Variants in ADCY2 observed in about 807,000 individuals in gnomAD.
The protein encoded by ADCY2 is adenylate cyclase type 2.
In ADCY2, 31 loss-of-function variants were observed where a neutral mutation model predicts 125.2. That is an observed-to-expected ratio of 0.25 (90% CI 0.19 to 0.33). ADCY2 has a LOEUF of 0.33. ADCY2 is among the 10% of genes least tolerant of loss of function. The pLI is 1.00. For missense variants in ADCY2, 904 were observed against 1,418.2 expected (o/e 0.64, Z 5.82); for synonymous variants, 512 against 548.4 (o/e 0.93, Z 0.93).
chr5:7,613,537 A>G (rs1189067669), intron 3 of ADCY2, among the ~76,000 whole-genome samples: 4 of 152,134 alleles, frequency 2.6e-5, no homozygotes. Context: ...ACTGACTACA[A>G]ATTCCAATTT....
intron 4 of ADCY2, among the ~76,000 whole-genome samples, chr5:7,671,820 T>C (rs1739945574): frequency 6.6e-6 from 1 of 152,082 alleles, no homozygotes; most frequent in Non-Finnish European, 1.5e-5. Context: ...ATACATGTTG[T>C]AGAAGTATTG....
Position 7,766,738 on chromosome 5 carries a change from A to C in ADCY2, c.2146A>C (p.Asn716His), listed in dbSNP as rs747141830. The C allele has an allele frequency of 1.2e-6, 2 of 1,612,096 alleles. No homozygotes were observed. Among genetic ancestry groups the C allele is most frequent in the Non-Finnish European group, 1.7e-6 (2 of 1,179,568 alleles). The stretch of plus-strand genomic sequence containing the variant: ...AATCCCTCCAACTGCCAACACAACA[A>C]ACACAAGCTTTTCAGCCTCAAATAA... Reference protein sequence around the residue: ...ETIPPTANTTNTSFSASNNQV... With the variant: ...ETIPPTANTTHTSFSASNNQV... Residue 716 changes from asparagine to histidine, a missense_variant, in exon 17 of 25, where the codon AAC becomes CAC. By Grantham distance (68) the Asn-to-His change is moderately conservative. Transcript: ENST00000338316.
rs138598824 is a variant in ADCY2 at position 7,402,828 on chromosome 5, G to A, written c.210+6322G>A. Among the ~76,000 whole-genome samples the A allele has an allele frequency of 1.6e-4, 25 of 152,304 alleles. No homozygotes were observed. In the East Asian group the frequency reaches 4.4e-3, roughly 27 times the overall value. ...TTTCATTTTAAAAGATTGTAATTCT[G>A]AAGATTTCTCAAGGTGGTCATTATT... is the stretch of plus-strand genomic sequence containing the variant. On this transcript the variant is annotated intron_variant, in intron 1 of 24. Coordinates refer to ENST00000338316, the MANE Select transcript of ADCY2 (RefSeq NM_020546.3).
intron 3 of ADCY2, among the ~76,000 whole-genome samples, chr5:7,536,720 T>A (rs979528354): frequency 1.3e-5 from 2 of 151,646 alleles, no homozygotes; most frequent in African/African-American, 4.9e-5. Context: ...CTCAGCGAAC[T>A]ATCACAGAAA....
chr5:7,532,111 A>G (rs4702475), intron 3 of ADCY2, among the ~76,000 whole-genome samples: 30,580 of 152,224 alleles, frequency 0.2, 3,444 homozygotes, highest in South Asian at 0.34. Flanking sequence ...ATTCAGAGTG[A>G]AGAAACATAT....
At chr5:7,648,372 C>T (rs1287764361) in intron 4 of ADCY2, among the ~76,000 whole-genome samples, 1 of 152,148 alleles carries the variant, frequency 6.6e-6, no homozygotes, top group Non-Finnish European at 1.5e-5. Context: ...ATATAAGTTT[C>T]TTAAGTGAAA....
At chr5:7,560,547 CAT>C (rs1735676563) in intron 3 of ADCY2, among the ~76,000 whole-genome samples, 1 of 152,016 alleles carries the variant, frequency 6.6e-6, no homozygotes. Flanking sequence ...CCTTTATGCA[CAT>C]GTCTGATATT....
intron 1 of ADCY2, among the ~76,000 whole-genome samples, chr5:7,409,145 C>G (rs577388296): frequency 1.4e-4 from 21 of 152,146 alleles, no homozygotes; most frequent in Non-Finnish European, 2.2e-4. Context: ...AACCAAATAC[C>G]GCATACTCTC....
intron 4 of ADCY2, among the ~76,000 whole-genome samples, chr5:7,633,126 A>T (rs1319484738): frequency 8.0e-6 from 1 of 124,860 alleles, no homozygotes; most frequent in African/African-American, 3.6e-5. Context: ...GTTCATTCTT[A>T]AAAAAAAAAA....
intron 22 of ADCY2, among the ~76,000 whole-genome samples, chr5:7,805,819 A>G (rs565971392): frequency 6.6e-6 from 1 of 152,244 alleles, no homozygotes; most frequent in South Asian, 2.1e-4. Context: ...GGCAAAGAGT[A>G]GAACATGGAT....
Position 7,396,458 on chromosome 5 carries a change from C to G in ADCY2, c.162C>G (p.Val54=), listed in dbSNP as rs1305958903. Residue 54 remains valine, a synonymous_variant, in exon 1 of 25, where the codon GTC becomes GTG. Coordinates refer to ENST00000338316, the MANE Select transcript of ADCY2 (RefSeq NM_020546.3). The surrounding 1 kb of genome is among the most constrained non-coding windows in gnomAD (Gnocchi z 5.7). ...TCATCGTCTTCCTGCTGCTCATCGT[C>G]ATGGGCTCCTGCCTCGCCCTGCTCG... ...HPLIVFLLLI[V]MGSCLALLAV... 1 of 1,577,096 alleles carries G rather than the reference C, an allele frequency of 6.3e-7. No homozygotes were observed. Among genetic ancestry groups the G allele is most frequent in the Non-Finnish European group, 8.6e-7 (1 of 1,162,086 alleles).
At chr5:7,720,902 G>T (rs953444035) in intron 12 of ADCY2, among the ~76,000 whole-genome samples, 2 of 152,190 alleles carry the variant, frequency 1.3e-5, no homozygotes, top group African/African-American at 4.8e-5. Flanking sequence ...AATCCTTTGG[G>T]TATATACCCA....
chr5:7,774,357 A>G (rs1743649598), intron 18 of ADCY2, among the ~76,000 whole-genome samples: 1 of 152,258 alleles, frequency 6.6e-6, no homozygotes, highest in South Asian at 2.1e-4. Context: ...TTTCCAATAA[A>G]TTCTCAAAAT....
intron 22 of ADCY2, among the ~76,000 whole-genome samples, chr5:7,805,232 G>A (rs116418285): frequency 0.025 from 3,849 of 152,112 alleles, 162 homozygotes; most frequent in African/African-American, 0.087. Flanking sequence ...TGAGATGGGA[G>A]GATGGTTGAG....
At chr5:7,806,343 G>C (rs1744761966) in intron 22 of ADCY2, among the ~76,000 whole-genome samples, 1 of 151,886 alleles carries the variant, frequency 6.6e-6, no homozygotes, top group African/African-American at 2.4e-5. Flanking sequence ...GACATGTATA[G>C]AGACAGGCAT....
chr5:7,723,869 C>T (rs367945833), intron 12 of ADCY2, among the ~76,000 whole-genome samples: 4 of 123,308 alleles, frequency 3.2e-5, no homozygotes, highest in East Asian at 2.3e-4. Flanking sequence ...TGCAGTGAGC[C>T]GAGATCATGC....
In ADCY2 at chr5:7,498,231, C is replaced by A. The variant is rs368659366; in HGVS notation, c.409-22507C>A. Among the ~76,000 whole-genome samples, 425 of 51,044 alleles carry A rather than the reference C, an allele frequency of 8.3e-3. 2 individuals carry two copies. The highest frequency in any genetic ancestry group is 0.025 in the African/African-American group (397 of 15,742). 33.5% of individuals were successfully genotyped at this position (51,044 alleles called of 152,430 possible). ...ATATAGAGTAAGTAAAACTCTTTTTCTTTTTTCGTTTTTTTTTTTTTTTTT... is the reference window on the plus strand; with the variant it reads ...ATATAGAGTAAGTAAAACTCTTTTTATTTTTTCGTTTTTTTTTTTTTTTTT... On this transcript the variant is annotated intron_variant, in intron 2 of 24. Coordinates refer to ENST00000338316, the MANE Select transcript of ADCY2 (RefSeq NM_020546.3).
At chr5:7,773,685 A>C (rs1179673220) in intron 18 of ADCY2, among the ~76,000 whole-genome samples, 3 of 152,208 alleles carry the variant, frequency 2.0e-5, no homozygotes, top group African/African-American at 7.2e-5. Flanking sequence ...AAGGGGAACT[A>C]TCAGTCCTGA....
chr5:7,496,020 T>C (rs1470090576), intron 2 of ADCY2, among the ~76,000 whole-genome samples: 1 of 152,238 alleles, frequency 6.6e-6, no homozygotes, highest in East Asian at 1.9e-4. Context: ...TTGTTGCTGC[T>C]GCATAGTCCA....
Sources: allele counts gnomAD v4.1 joint callset (sites outside exome capture counted in the v4.1 genomes callset), GRCh38; gene constraint gnomAD v4.1.1; non-coding constraint Gnocchi (gnomAD v3.1); transcripts MANE v1.5; gene names NCBI Gene and HGNC (gene_info 2026-07-23, HGNC 2026-07-21).